The following GABRB1 variants were observed in gnomAD, a reference collection of about 807,000 sequenced individuals.
GABRB1 encodes the protein gamma-aminobutyric acid type A receptor subunit beta1.
In GABRB1, 17 loss-of-function variants were observed where a neutral mutation model predicts 51.6. The observed-to-expected ratio is 0.33, with a 90% CI of 0.23 to 0.49. The LOEUF is 0.49. Among genes scored for constraint, GABRB1 ranks in the 20% least tolerant of loss-of-function variants. The pLI is 0.99. For synonymous variants in GABRB1, 247 were observed against 218.9 expected, an observed-to-expected ratio of 1.13 and a Z score of -1.14; for missense variants, 410 against 600.6, an observed-to-expected ratio of 0.68 and a Z score of 3.32.
chr4:47,060,253 C>G (rs1282512702), intron 3 of GABRB1, among the ~76,000 whole-genome samples: 1 of 152,082 alleles, frequency 6.6e-6, no homozygotes, highest in South Asian at 2.1e-4. Context: ...CAGAATCACA[C>G]AGAAAGTAAG....
At chr4:47,388,536 C>T (rs963792296) in intron 5 of GABRB1, among the ~76,000 whole-genome samples, 1 of 152,136 alleles carries the variant, frequency 6.6e-6, no homozygotes, top group Non-Finnish European at 1.5e-5. Context: ...ATTCTATGAT[C>T]GCAAATCTGG....
chr4:47,341,082 G>A (rs572100658), intron 5 of GABRB1, among the ~76,000 whole-genome samples: 10 of 152,276 alleles, frequency 6.6e-5, no homozygotes, highest in African/African-American at 2.4e-4. Flanking sequence ...ACAAAACAGA[G>A]AAGGACCCAG....
chr4:47,080,298 G>GAAA (rs59818870), intron 3 of GABRB1, among the ~76,000 whole-genome samples: 1 of 141,074 alleles, frequency 7.1e-6, no homozygotes. Context: ...AAAGAATGAA[G>GAAA]AAAAAAAAAA....
At chr4:47,134,405 A>G (rs1247143489) in intron 3 of GABRB1, among the ~76,000 whole-genome samples, 1 of 152,188 alleles carries the variant, frequency 6.6e-6, no homozygotes, top group African/African-American at 2.4e-5. Context: ...ACACAAGAAA[A>G]ACAAATAATA....
At chr4:47,219,905 A>G (rs183654590) in intron 4 of GABRB1, among the ~76,000 whole-genome samples, 1 of 152,044 alleles carries the variant, frequency 6.6e-6, no homozygotes, top group East Asian at 1.9e-4. Flanking sequence ...CCCAAGAATT[A>G]CTTGTCTTCC....
At chr4:47,198,777 A>G (rs946869041) in intron 4 of GABRB1, among the ~76,000 whole-genome samples, 1 of 152,196 alleles carries the variant, frequency 6.6e-6, no homozygotes, top group Non-Finnish European at 1.5e-5. Context: ...GGTAGTTTAT[A>G]AAAGAAAGAG....
At chr4:47,104,928 G>A (rs529604041) in intron 3 of GABRB1, among the ~76,000 whole-genome samples, 5 of 151,806 alleles carry the variant, frequency 3.3e-5, no homozygotes, top group African/African-American at 1.2e-4. Context: ...TCTATATCTG[G>A]TCCTATACAT....
At chr4:47,294,387 C>CG (rs1723878814) in intron 4 of GABRB1, among the ~76,000 whole-genome samples, 1 of 152,180 alleles carries the variant, frequency 6.6e-6, no homozygotes, top group Non-Finnish European at 1.5e-5. Context: ...CCTGGAAAAT[C>CG]GGGTCACTCC....
At chr4:47,051,290 A>C (rs1577861426) in intron 3 of GABRB1, among the ~76,000 whole-genome samples, 1 of 152,208 alleles carries the variant, frequency 6.6e-6, no homozygotes, top group African/African-American at 2.4e-5. Context: ...TTTAGAGCTA[A>C]GAAGGGAAGA....
At chr4:47,120,903 C>T (rs1715748116) in intron 3 of GABRB1, among the ~76,000 whole-genome samples, 1 of 152,062 alleles carries the variant, frequency 6.6e-6, no homozygotes, top group African/African-American at 2.4e-5. Context: ...AGAAAGGAGA[C>T]TTTTCGGATC....
intron 4 of GABRB1, among the ~76,000 whole-genome samples, chr4:47,192,778 G>A (rs1456929502): frequency 2.6e-5 from 4 of 152,164 alleles, no homozygotes; most frequent in African/African-American, 4.8e-5. Context: ...CAATAATCAA[G>A]TGACTGTGTG....
At chr4:47,119,787 G>C (rs1715684319) in intron 3 of GABRB1, among the ~76,000 whole-genome samples, 1 of 152,096 alleles carries the variant, frequency 6.6e-6, no homozygotes, top group African/African-American at 2.4e-5. Flanking sequence ...AGGATTACCA[G>C]GGTGAGCCAC....
At chr4:47,062,950 C>T (rs1276241201) in intron 3 of GABRB1, among the ~76,000 whole-genome samples, 1 of 152,174 alleles carries the variant, frequency 6.6e-6, no homozygotes, top group African/African-American at 2.4e-5. Flanking sequence ...CTCTGAGTTT[C>T]CAGTTCTGCT....
At chr4:47,263,883 A>G (rs2109883116) in intron 4 of GABRB1, among the ~76,000 whole-genome samples, 1 of 152,262 alleles carries the variant, frequency 6.6e-6, no homozygotes, top group Non-Finnish European at 1.5e-5. Flanking sequence ...ATCAGTGTTC[A>G]CACTTGTAAT....
At chr4:47,318,722 T>A (rs1053609787) in intron 4 of GABRB1, among the ~76,000 whole-genome samples, 1 of 152,148 alleles carries the variant, frequency 6.6e-6, no homozygotes, top group Non-Finnish European at 1.5e-5. Context: ...GGGATGTTTT[T>A]CTGGTCAGTG....
chr4:47,234,672 C>T lies in GABRB1; in HGVS notation c.461+73203C>T, dbSNP rs1427477168. Among the ~76,000 whole-genome samples, 4 of 152,076 alleles carry T rather than the reference C, an allele frequency of 2.6e-5. No homozygotes were observed. The South Asian group carries it at 6.2e-4, about 24-fold the overall frequency. ...AAACTGCCATCTTAAATTTAAGTTACCCTAATTTAGGGCGTTTGAAAAGGA... is the reference window on the plus strand; with the variant it reads ...AAACTGCCATCTTAAATTTAAGTTATCCTAATTTAGGGCGTTTGAAAAGGA... On this transcript the variant is annotated intron_variant, in intron 4 of 8. Transcript: ENST00000295454.
chr4:47,416,722 G>A (rs1728933871), intron 8 of GABRB1, among the ~76,000 whole-genome samples: 1 of 152,000 alleles, frequency 6.6e-6, no homozygotes, highest in Admixed American at 6.6e-5. Context: ...AAATTGCTGG[G>A]ATTACGTGCA....
At chr4:47,404,489 G>GCACACACACACA (rs56335154) in intron 7 of GABRB1, among the ~76,000 whole-genome samples, 38 of 145,656 alleles carry the variant, frequency 2.6e-4, no homozygotes, top group Middle Eastern at 3.5e-3. Context: ...ACACACGCAT[G>GCACACACACACA]CACACACACA....
intron 8 of GABRB1, among the ~76,000 whole-genome samples, chr4:47,413,414 A>G (rs1354466366): frequency 6.6e-6 from 1 of 152,210 alleles, no homozygotes; most frequent in Non-Finnish European, 1.5e-5. Context: ...TATGTCAATA[A>G]CAAAGCAAGT....
Sources: gnomAD v4.1 joint callset for allele counts (sites outside exome capture counted in the v4.1 genomes callset) on GRCh38, gnomAD v4.1.1 for gene constraint, MANE v1.5 for transcripts, NCBI Gene and HGNC (gene_info 2026-07-23, HGNC 2026-07-21) for gene names.